Variants in MSRA observed in about 807,000 individuals in gnomAD.
The protein encoded by MSRA is mitochondrial peptide methionine sulfoxide reductase.
In MSRA, 54 loss-of-function variants were observed where a neutral mutation model predicts 31.3. That is an observed-to-expected ratio of 1.73 (90% CI 1.39 to 2.17). MSRA has a LOEUF of 2.17. MSRA is among the 30% of genes most tolerant of loss of function. The probability of loss-of-function intolerance (pLI) is 0.00; values close to 1 mark genes in which losing one functional copy is unlikely to be tolerated. For synonymous variants in MSRA, 169 were observed against 116.5 expected, an observed-to-expected ratio of 1.45 and a Z score of -2.90; for missense variants, 507 against 300.9, an observed-to-expected ratio of 1.69 and a Z score of -5.07.
At chr8:10,079,918 A>C (rs753729886) in intron 1 of MSRA, among the ~76,000 whole-genome samples, 1 of 152,222 alleles carries the variant, frequency 6.6e-6, no homozygotes, top group Non-Finnish European at 1.5e-5. Flanking sequence ...AAGTGCTTGA[A>C]AGCGAAGTTC....
intron 5 of MSRA, among the ~76,000 whole-genome samples, chr8:10,427,179 T>C (rs1329389948): frequency 1.3e-5 from 2 of 152,152 alleles, no homozygotes; most frequent in Non-Finnish European, 2.9e-5. Flanking sequence ...TGGCTCTGCT[T>C]TGCAGCTCTT....
intron 5 of MSRA, among the ~76,000 whole-genome samples, chr8:10,393,948 C>T (rs886682168): frequency 6.6e-6 from 1 of 152,280 alleles, no homozygotes; most frequent in East Asian, 1.9e-4. Flanking sequence ...TTGGTGATCA[C>T]ACAGCCATCC....
chr8:10,243,023 C>T (rs896102658), intron 2 of MSRA, among the ~76,000 whole-genome samples: 1 of 152,178 alleles, frequency 6.6e-6, no homozygotes, highest in Non-Finnish European at 1.5e-5. Flanking sequence ...AAATATCTCT[C>T]TACTTGCAGC....
At chr8:10,248,424 C>G (rs962633959) in intron 3 of MSRA, among the ~76,000 whole-genome samples, 2 of 152,148 alleles carry the variant, frequency 1.3e-5, no homozygotes, top group Non-Finnish European at 2.9e-5. Context: ...TGTGCAACCT[C>G]TTATGTGATG....
At chr8:10,192,692 C>T (rs551924425) in intron 1 of MSRA, among the ~76,000 whole-genome samples, 64 of 152,260 alleles carry the variant, frequency 4.2e-4, no homozygotes, top group African/African-American at 1.5e-3. Flanking sequence ...CCAGCTTGAC[C>T]AGTATGTAAG....
At chr8:10,351,705 G>A (rs1441447680) in intron 5 of MSRA, among the ~76,000 whole-genome samples, 2 of 152,232 alleles carry the variant, frequency 1.3e-5, no homozygotes, top group East Asian at 3.8e-4. Flanking sequence ...GACTTGTGGT[G>A]TGGATTCAAA....
At chr8:10,122,025 C>T (rs13256357) in intron 1 of MSRA, among the ~76,000 whole-genome samples, 38,913 of 151,760 alleles carry the variant, frequency 0.26, 5,491 homozygotes, top group East Asian at 0.54. Context: ...TTTGGCCACA[C>T]GCATGCTTGT....
At chr8:10,414,109 G>T (rs1293714737) in intron 5 of MSRA, among the ~76,000 whole-genome samples, 1 of 152,172 alleles carries the variant, frequency 6.6e-6, no homozygotes, top group African/African-American at 2.4e-5. Context: ...TGAGGCTGCA[G>T]TGAGCCGTGA....
At chr8:10,165,891 C>T (rs748559543) in intron 1 of MSRA, among the ~76,000 whole-genome samples, 1 of 152,094 alleles carries the variant, frequency 6.6e-6, no homozygotes, top group South Asian at 2.1e-4. Flanking sequence ...TACCTTATCA[C>T]CTGTCTTATA....
rs117099055 is a variant in MSRA at position 10,292,523 on chromosome 8, T to C, written c.332-9011T>C. Among the ~76,000 whole-genome samples the C allele has an allele frequency of 3.1e-4, 47 of 152,374 alleles. No homozygotes were observed. In the East Asian group the frequency reaches 8.7e-3, roughly 28 times the overall value. ...CTCCCTGCCCTTGCTGAACTCTGCCTGCTCCCTCCACCGTCGGTCCTCTTC... is the reference window on the plus strand; with the variant it reads ...CTCCCTGCCCTTGCTGAACTCTGCCCGCTCCCTCCACCGTCGGTCCTCTTC... On this transcript the variant is annotated intron_variant, in intron 3 of 5. Coordinates refer to ENST00000317173, the MANE Select transcript of MSRA (RefSeq NM_012331.5).
intron 3 of MSRA, among the ~76,000 whole-genome samples, chr8:10,257,726 G>C (rs1348850804): frequency 6.6e-6 from 1 of 152,142 alleles, no homozygotes; most frequent in Non-Finnish European, 1.5e-5. Context: ...TTGTCTCTCC[G>C]TGTTTGGACT....
At chr8:10,273,233 T>C (rs1413341987) in intron 3 of MSRA, among the ~76,000 whole-genome samples, 1 of 152,226 alleles carries the variant, frequency 6.6e-6, no homozygotes. Flanking sequence ...AAAAATGGTA[T>C]TCTTCCAACT....
chr8:10,088,900 T>C (rs1237504799), intron 1 of MSRA, among the ~76,000 whole-genome samples: 1 of 152,198 alleles, frequency 6.6e-6, no homozygotes, highest in African/African-American at 2.4e-5. Context: ...AAATATTACA[T>C]AATCTCACTT....
chr8:10,297,014 C>T (rs1800580410), intron 3 of MSRA, among the ~76,000 whole-genome samples: 1 of 152,168 alleles, frequency 6.6e-6, no homozygotes, highest in Non-Finnish European at 1.5e-5. Context: ...CTGGAAGAAT[C>T]AAAGGTGACA....
intron 5 of MSRA, among the ~76,000 whole-genome samples, chr8:10,351,084 A>G (rs1158162747): frequency 6.6e-6 from 1 of 152,192 alleles, no homozygotes; most frequent in Non-Finnish European, 1.5e-5. Flanking sequence ...GCTGTGAGTC[A>G]GACGACGTCC....
chr8:10,208,811 G>A (rs1028673962), intron 2 of MSRA, among the ~76,000 whole-genome samples: 5 of 152,188 alleles, frequency 3.3e-5, no homozygotes, highest in Admixed American at 6.5e-5. Context: ...CACGCCTCCC[G>A]TAGCTTCTCT....
At chr8:10,272,002 C>A (rs755603916) in intron 3 of MSRA, among the ~76,000 whole-genome samples, 8 of 152,176 alleles carry the variant, frequency 5.3e-5, no homozygotes, top group Non-Finnish European at 1.0e-4. Flanking sequence ...GCCACTGTGC[C>A]CGGCCAGGTA....
chr8:10,101,758 C>T (rs1170629668), intron 1 of MSRA, among the ~76,000 whole-genome samples: 1 of 152,178 alleles, frequency 6.6e-6, no homozygotes, highest in African/African-American at 2.4e-5. Context: ...ATTGTATGGA[C>T]AGACCACATT....
At chr8:10,247,486 A>G (rs1383829011) in intron 3 of MSRA, among the ~76,000 whole-genome samples, 2 of 152,178 alleles carry the variant, frequency 1.3e-5, no homozygotes, top group African/African-American at 4.8e-5. Context: ...GTGCTTTTAA[A>G]TGATTAAGGA....
Sources: allele counts gnomAD v4.1 joint callset (sites outside exome capture counted in the v4.1 genomes callset), GRCh38; gene constraint gnomAD v4.1.1; transcripts MANE v1.5; gene names NCBI Gene and HGNC (gene_info 2026-07-23, HGNC 2026-07-21).